Variants in ADAMTSL1 observed in about 807,000 individuals in gnomAD.
The protein encoded by ADAMTSL1 is ADAMTS-like protein 1.
In ADAMTSL1, 126 loss-of-function variants were observed where a neutral mutation model predicts 201.8. The observed-to-expected ratio is 0.62, with a 90% confidence interval of 0.54 to 0.72. ADAMTSL1 has a LOEUF of 0.72. Ranked by LOEUF, ADAMTSL1 falls within the 30% of genes least tolerant of loss-of-function variation. The probability of loss-of-function intolerance (pLI) is 0.00; values close to 1 mark genes in which losing one functional copy is unlikely to be tolerated. For missense variants in ADAMTSL1, 2,679 were observed against 2,277.8 expected (o/e 1.18, Z -3.59); for synonymous variants, 1,121 against 903.4 (o/e 1.24, Z -4.32).
chr9:18,073,953 T>A (rs1269754077), intron 1 of ADAMTSL1, among the ~76,000 whole-genome samples: 1 of 149,262 alleles, frequency 6.7e-6, no homozygotes, highest in Non-Finnish European at 1.5e-5. Flanking sequence ...GTTATCAGCC[T>A]GTTTCATGCC....
intron 2 of ADAMTSL1, among the ~76,000 whole-genome samples, chr9:18,393,686 G>A (rs1817626595): frequency 6.6e-6 from 1 of 152,218 alleles, no homozygotes; most frequent in Non-Finnish European, 1.5e-5. Flanking sequence ...GATGTTGGGA[G>A]AAGCTTGCTA....
chr9:18,287,587 A>G (rs55994999), intron 2 of ADAMTSL1, among the ~76,000 whole-genome samples: 9,237 of 105,724 alleles, frequency 0.087, 969 homozygotes, highest in African/African-American at 0.27. Context: ...ATATATGTGT[A>G]TATATACACA....
intron 1 of ADAMTSL1, among the ~76,000 whole-genome samples, chr9:18,081,680 T>C (rs2131775647): frequency 6.6e-6 from 1 of 152,380 alleles, no homozygotes; most frequent in South Asian, 2.1e-4. Context: ...ACTTGCTTTC[T>C]CATTTTGTTT....
chr9:18,019,630 G>T (rs766988975), intron 1 of ADAMTSL1, among the ~76,000 whole-genome samples: 1 of 152,116 alleles, frequency 6.6e-6, no homozygotes, highest in Non-Finnish European at 1.5e-5. Context: ...GGAAGAATTT[G>T]TAGGATTGAT....
intron 1 of ADAMTSL1, among the ~76,000 whole-genome samples, chr9:17,949,272 T>C (rs1827637060): frequency 6.6e-6 from 1 of 152,104 alleles, no homozygotes; most frequent in Non-Finnish European, 1.5e-5. Context: ...AGGGAGGTAG[T>C]CTCCCAGGGA....
At chr9:18,477,555 G>C (rs566319966) in intron 1 of ADAMTSL1, among the ~76,000 whole-genome samples, 4 of 152,286 alleles carry the variant, frequency 2.6e-5, no homozygotes, top group Non-Finnish European at 5.9e-5. Flanking sequence ...ACCGCGGCCT[G>C]TTCCAGCAGC....
At chr9:18,394,704 A>T (rs1587064482) in intron 2 of ADAMTSL1, among the ~76,000 whole-genome samples, 1 of 152,218 alleles carries the variant, frequency 6.6e-6, no homozygotes, top group Admixed American at 6.5e-5. Context: ...TTAAGATGAC[A>T]TTCATCATAA....
In ADAMTSL1 at chr9:18,570,606, T is replaced by A. The variant is rs1219987870; in HGVS notation, c.238-3424T>A. ...AAATGTTATTTTTGTAAAAGCTATT[T>A]GATGTCCAAGAAGCTTTCTGAACCT... On this transcript the variant is annotated intron_variant, in intron 3 of 28. Coordinates refer to ENST00000380548, the MANE Select transcript of ADAMTSL1 (RefSeq NM_001040272.6). Among the ~76,000 whole-genome samples, 10 of 152,234 alleles carry A rather than the reference T, an allele frequency of 6.6e-5. No homozygotes were observed. The East Asian group carries it at 1.9e-3, about 29-fold the overall frequency.
rs560195021 is a variant in ADAMTSL1, at chr9:18,035,835, A to T, written c.88-128027A>T. 3.3e-5 allele frequency among the ~76,000 whole-genome samples: 5 copies of T among 152,286 alleles called. No individual in the cohort carries two copies. The South Asian group carries it at 8.3e-4, about 25-fold the overall frequency. ...AGTAGGTGTTAGTAAGTGCTTAGTA[A>T]TTATATGTTGAATTAAGTAACAAAA... On this transcript the variant is annotated intron_variant, in intron 1 of 29. Coordinates refer to the ADAMTSL1 transcript ENST00000680146.
chr9:18,300,970 G>C (rs930811582), intron 2 of ADAMTSL1, among the ~76,000 whole-genome samples: 12 of 152,068 alleles, frequency 7.9e-5, no homozygotes, highest in Non-Finnish European at 1.8e-4. Context: ...AAAAAATTGA[G>C]CAGGCAAAAA....
At chr9:18,434,536 A>G (rs79792723) in intron 2 of ADAMTSL1, among the ~76,000 whole-genome samples, 2,550 of 152,316 alleles carry the variant, frequency 0.017, 71 homozygotes, top group African/African-American at 0.058. Flanking sequence ...AAAAGAAAAG[A>G]AAATGTTCAA....
intron 4 of ADAMTSL1, among the ~76,000 whole-genome samples, chr9:18,579,093 C>G (rs1450235992): frequency 1.3e-5 from 2 of 151,626 alleles, no homozygotes; most frequent in Admixed American, 6.6e-5. Flanking sequence ...TTGGAACCAA[C>G]CCAAATGTCC....
intron 1 of ADAMTSL1, among the ~76,000 whole-genome samples, chr9:18,150,966 T>C (rs1195706668): frequency 6.6e-6 from 1 of 151,606 alleles, no homozygotes; most frequent in Non-Finnish European, 1.5e-5. Flanking sequence ...AGGGGGCTAG[T>C]AGAAATGGGA....
intron 2 of ADAMTSL1, among the ~76,000 whole-genome samples, chr9:18,237,040 C>T (rs1293608268): frequency 6.6e-6 from 1 of 152,128 alleles, no homozygotes; most frequent in Non-Finnish European, 1.5e-5. Context: ...TTTAAGCTGC[C>T]CAATAAATAT....
intron 2 of ADAMTSL1, among the ~76,000 whole-genome samples, chr9:18,518,633 A>G (rs1037739205): frequency 3.9e-5 from 6 of 152,196 alleles, no homozygotes; most frequent in East Asian, 3.9e-4. Flanking sequence ...TCTTTTTTAT[A>G]TAATGATTTC....
Position 18,354,784 on chromosome 9 carries a change from G to A in ADAMTSL1, c.208-150045G>A, listed in dbSNP as rs138005572. ...GGAGTTTGAGACCAGTCTGGCCAAC[G>A]TATAGTGAAACCCCATCTCTACTGA... On this transcript the variant is annotated intron_variant, in intron 2 of 29. Transcript: ENST00000680146. Among the ~76,000 whole-genome samples the A allele has an allele frequency of 7.3e-3, 1,111 of 152,150 alleles. 8 individuals are homozygous for A. Among genetic ancestry groups the A allele is most frequent in the South Asian group, 0.015 (72 of 4,816 alleles).
At chr9:18,308,876 T>C (rs532699318) in intron 2 of ADAMTSL1, among the ~76,000 whole-genome samples, 5 of 151,980 alleles carry the variant, frequency 3.3e-5, no homozygotes, top group Admixed American at 2.6e-4. Context: ...GGCAGAGACA[T>C]AGCAAAAAAA....
chr9:18,575,527 C>G (rs1414350425), intron 4 of ADAMTSL1, among the ~76,000 whole-genome samples: 1 of 152,166 alleles, frequency 6.6e-6, no homozygotes, highest in African/African-American at 2.4e-5. Context: ...TTGCTATTTA[C>G]TTCCTCCTCT....
chr9:18,372,488 A>C (rs1025847199), intron 2 of ADAMTSL1, among the ~76,000 whole-genome samples: 1 of 152,178 alleles, frequency 6.6e-6, no homozygotes, highest in African/African-American at 2.4e-5. Context: ...TCAAAAACTA[A>C]GGGAGAAGGA....
Sources: allele counts gnomAD v4.1 joint callset (sites outside exome capture counted in the v4.1 genomes callset), GRCh38; gene constraint gnomAD v4.1.1; transcripts MANE v1.5; gene names NCBI Gene and HGNC (gene_info 2026-07-23, HGNC 2026-07-21).